SIPA1L3: variants seen among roughly 807,000 people sequenced by gnomAD.
The protein encoded by SIPA1L3 is signal-induced proliferation-associated 1-like protein 3.
SIPA1L3 carries 59 observed loss-of-function variants against 150.1 expected under a neutral mutation model. That is an observed-to-expected ratio of 0.39 (90% CI 0.32 to 0.49). The LOEUF is 0.49. SIPA1L3 is among the 20% of genes least tolerant of loss of function. The pLI, the probability that SIPA1L3 is intolerant of heterozygous loss-of-function variation, is 0.86. For missense variants in SIPA1L3, 2,211 were observed against 2,489.5 expected, an observed-to-expected ratio of 0.89 and a Z score of 2.38; for synonymous variants, 1,070 against 1,077.6, an observed-to-expected ratio of 0.99 and a Z score of 0.14.
chr19:37,939,915 A>G (rs1473266851), intron 1 of SIPA1L3, among the ~76,000 whole-genome samples: 1 of 152,210 alleles, frequency 6.6e-6, no homozygotes, highest in Non-Finnish European at 1.5e-5. Context: ...GTACCTGTAG[A>G]TGATGCCCTC....
At chr19:38,001,452 G>T (rs550455317) in intron 1 of SIPA1L3, among the ~76,000 whole-genome samples, 50 of 152,274 alleles carry the variant, frequency 3.3e-4, no homozygotes, top group African/African-American at 9.6e-4. Flanking sequence ...CTGAGACAGG[G>T]TCTTGCCCTG....
chr19:38,110,492 G>A (rs1378326356), intron 8 of SIPA1L3, 108 bp downstream of exon 8: 7 of 885,246 alleles, frequency 7.9e-6, no homozygotes. Context: ...TGTGCTTCAG[G>A]AGAAGAGCTC....
intron 20 of SIPA1L3, 67 bp from the exon 21 acceptor site, chr19:38,204,060 A>T: frequency 7.7e-7 from 1 of 1,303,640 alleles, no homozygotes; most frequent in African/African-American, 1.5e-5. Flanking sequence ...GGCTCCTCAG[A>T]TGTGGGCCAG....
chr19:38,030,623 A>AATACACATATATATATATAT (rs1250170240), intron 2 of SIPA1L3, among the ~76,000 whole-genome samples: 1 of 42,630 alleles, frequency 2.3e-5, no homozygotes, highest in Non-Finnish European at 5.7e-5. Context: ...ATATGTGGCA[A>AATACACATATATATATATAT]ATATATATAT....
Position 38,082,788 on chromosome 19 carries a change from A to G in SIPA1L3, c.1223A>G (p.Lys408Arg), listed in dbSNP as rs761447755. 2.0e-5 allele frequency: 32 copies of G among 1,613,362 alleles called. No individual in the cohort carries two copies. The South Asian group carries it at 3.5e-4, about 18-fold the overall frequency. ...ACCAGCACAGAGGACCTAAACTGCA[A>G]GGAGAACTTGGAGCAGGACCTCGGC... is the stretch of plus-strand genomic sequence containing the variant. ...AFTSTEDLNC[K>R]ENLEQDLGDD... Residue 408 changes from lysine to arginine, a missense_variant, in exon 3 of 22, where the codon AAG becomes AGG. Lys to Arg is a conservative substitution (Grantham distance 26, BLOSUM62 2). Transcript: ENST00000222345.
intron 1 of SIPA1L3, among the ~76,000 whole-genome samples, chr19:38,009,059 G>C (rs1400850847): frequency 6.6e-6 from 1 of 151,958 alleles, no homozygotes; most frequent in Non-Finnish European, 1.5e-5. Flanking sequence ...GTTTTGAGAG[G>C]AGTCTTGCTC....
At chr19:37,944,457 CTG>C (rs1023574484) in intron 1 of SIPA1L3, among the ~76,000 whole-genome samples, 1 of 152,142 alleles carries the variant, frequency 6.6e-6, no homozygotes, top group Non-Finnish European at 1.5e-5. Context: ...TGTGTACTGA[CTG>C]TGTGAACTTG....
chr19:37,950,533 G>A (rs755812756), intron 1 of SIPA1L3, among the ~76,000 whole-genome samples: 2 of 152,190 alleles, frequency 1.3e-5, no homozygotes, highest in African/African-American at 2.4e-5. Flanking sequence ...GAGATTTGGG[G>A]CGACTGGAAA....
chr19:38,111,759 C>T (rs930613391), intron 8 of SIPA1L3, among the ~76,000 whole-genome samples: 1 of 152,252 alleles, frequency 6.6e-6, no homozygotes, highest in African/African-American at 2.4e-5. Flanking sequence ...GGCCACCTCT[C>T]CCCCTGCCCA....
intron 1 of SIPA1L3, among the ~76,000 whole-genome samples, chr19:38,012,172 G>A (rs755755983): frequency 2.0e-4 from 30 of 150,726 alleles, no homozygotes; most frequent in Admixed American, 7.3e-4. Context: ...CTGCAGCCTC[G>A]ACCTTCCCGG....
rs777775996 is a variant in SIPA1L3 at position 38,025,183 on chromosome 19, C to T, written c.-378-3906C>T. Among the ~76,000 whole-genome samples, 4 of 152,174 alleles carry T rather than the reference C, an allele frequency of 2.6e-5. No homozygotes were observed. The East Asian group carries it at 7.7e-4, about 29-fold the overall frequency. On this transcript the variant is annotated intron_variant, in intron 1 of 21. Coordinates refer to ENST00000222345, the MANE Select transcript of SIPA1L3 (RefSeq NM_015073.3). ...TCACGTGTCTCTCCCAGAGCCAATCCCTATGGCTGAGGGGAGGAGACATTC... is the reference window on the plus strand; with the variant it reads ...TCACGTGTCTCTCCCAGAGCCAATCTCTATGGCTGAGGGGAGGAGACATTC...
At chr19:38,202,150 G>C (rs1973101642) in intron 20 of SIPA1L3, among the ~76,000 whole-genome samples, 153 bp downstream of exon 20, 1 of 152,156 alleles carries the variant, frequency 6.6e-6, no homozygotes. Context: ...TAACAGACTT[G>C]GAAGTCATTA....
At chr19:38,121,058 ATTGC>A (rs1162624440) in intron 9 of SIPA1L3, among the ~76,000 whole-genome samples, 2 of 152,132 alleles carry the variant, frequency 1.3e-5, no homozygotes, top group African/African-American at 4.8e-5. Context: ...ATCATTCTGC[ATTGC>A]TGGGTGCAGT....
intron 2 of SIPA1L3, among the ~76,000 whole-genome samples, chr19:38,051,396 G>A (rs1375188181): frequency 6.6e-6 from 1 of 152,086 alleles, no homozygotes; most frequent in African/African-American, 2.4e-5. Flanking sequence ...TGCTGCAGTG[G>A]GGAGCCTCGT....
chr19:38,117,224 G>A (rs1366734016), intron 8 of SIPA1L3, among the ~76,000 whole-genome samples: 2 of 151,834 alleles, frequency 1.3e-5, no homozygotes, highest in Non-Finnish European at 2.9e-5. Context: ...AGGCAGGGAA[G>A]TGCCATGTGG....
chr19:38,076,931 A>G (rs1969851444), intron 2 of SIPA1L3, among the ~76,000 whole-genome samples: 1 of 152,192 alleles, frequency 6.6e-6, no homozygotes, highest in African/African-American at 2.4e-5. Flanking sequence ...CAGGATTGCT[A>G]TAAGGCATAC....
chr19:37,913,382 C>T (rs898743454), intron 1 of SIPA1L3, among the ~76,000 whole-genome samples: 1 of 152,016 alleles, frequency 6.6e-6, no homozygotes, highest in South Asian at 2.1e-4. Flanking sequence ...CATTCTAGCC[C>T]GGGAAGACAC....
In SIPA1L3 at chr19:38,142,587, C is replaced by T. The variant is rs1971615709; in HGVS notation, c.3410C>T (p.Pro1137Leu). 1 of 1,610,170 alleles carries T rather than the reference C, an allele frequency of 6.2e-7. No homozygotes were observed. Among genetic ancestry groups the T allele is most frequent in the Non-Finnish European group, 8.5e-7 (1 of 1,177,296 alleles). The change falls in exon 12 of 22, where the codon CCA (proline) becomes CTA (leucine). Residue 1137 changes from proline to leucine, a missense_variant. Pro to Leu is a moderately conservative substitution (Grantham distance 98). Transcript: ENST00000222345. ...PLHSKRPVSF[P>L]ETPYTVSPAG... ...TCTCCTTCTAGGCCTGTCAGCTTCC[C>T]AGAAACCCCTTACACAGTATCACCA...
At chr19:37,979,505 C>T (rs575897511) in intron 1 of SIPA1L3, among the ~76,000 whole-genome samples, 1 of 150,984 alleles carries the variant, frequency 6.6e-6, no homozygotes, top group African/African-American at 2.4e-5. Flanking sequence ...TGCAGTGAGC[C>T]GAGATCGTGC....
Sources: allele counts gnomAD v4.1 joint callset (sites outside exome capture counted in the v4.1 genomes callset), GRCh38; gene constraint gnomAD v4.1.1; transcripts MANE v1.5; gene names NCBI Gene and HGNC (gene_info 2026-07-23, HGNC 2026-07-21).